Variants in ERC2 observed in about 807,000 individuals in gnomAD.
The protein encoded by ERC2 is ERC protein 2.
In ERC2, 42 loss-of-function variants were observed where a neutral mutation model predicts 114.8. The ratio of observed to expected loss-of-function variants is 0.37; its 90% CI spans 0.29 to 0.47. The LOEUF is 0.47. Ranked by LOEUF, ERC2 falls within the 20% of genes least tolerant of loss-of-function variation. The pLI is 0.99. For synonymous variants in ERC2, 454 were observed against 425.5 expected (o/e 1.07, Z -0.82); for missense variants, 939 against 1,150.7 (o/e 0.82, Z 2.66).
intron 1 of ERC2, among the ~76,000 whole-genome samples, chr3:56,461,488 C>T (rs988235094): frequency 3.3e-5 from 5 of 152,250 alleles, no homozygotes; most frequent in African/African-American, 1.2e-4. Flanking sequence ...GGTGCTCTCA[C>T]ACTGGAAATC....
chr3:55,594,133 G>A (rs1280742822), intron 17 of ERC2, among the ~76,000 whole-genome samples: 2 of 152,016 alleles, frequency 1.3e-5, no homozygotes, highest in Non-Finnish European at 2.9e-5. Context: ...TTTTCCTCCT[G>A]TATTGTCTTC....
chr3:55,841,402 C>T (rs1277149840), intron 14 of ERC2, among the ~76,000 whole-genome samples: 2 of 152,142 alleles, frequency 1.3e-5, no homozygotes, highest in Admixed American at 6.6e-5. Context: ...GTATGACATG[C>T]CTTTGCTTCT....
chr3:55,730,212 A>C (rs937313), intron 15 of ERC2, among the ~76,000 whole-genome samples: 83,469 of 151,902 alleles, frequency 0.55, 23,557 homozygotes, highest in South Asian at 0.71. Flanking sequence ...GCTGCACCAG[A>C]TATGAGTGGT....
chr3:55,523,019 G>A (rs908312578), intron 17 of ERC2, among the ~76,000 whole-genome samples: 2 of 152,252 alleles, frequency 1.3e-5, no homozygotes, highest in Non-Finnish European at 2.9e-5. Flanking sequence ...CTGGCAGGCA[G>A]GGTTCAGGCT....
intron 2 of ERC2, among the ~76,000 whole-genome samples, chr3:56,421,610 G>C (rs2061392124): frequency 6.6e-6 from 1 of 152,190 alleles, no homozygotes; most frequent in African/African-American, 2.4e-5. Context: ...TTTTTCATAA[G>C]AGATATATAA....
At chr3:55,893,043 C>T (rs1302144315) in intron 13 of ERC2, among the ~76,000 whole-genome samples, 3 of 152,072 alleles carry the variant, frequency 2.0e-5, no homozygotes, top group Admixed American at 6.5e-5. Context: ...GTCTGTATGT[C>T]CCCTTTCACC....
intron 17 of ERC2, among the ~76,000 whole-genome samples, chr3:55,598,373 T>C (rs1245337056): frequency 2.0e-5 from 3 of 152,226 alleles, no homozygotes; most frequent in Non-Finnish European, 2.9e-5. Context: ...CTTGGACAAG[T>C]TGCTTAATGG....
chr3:56,224,622 C>T (rs971040882), intron 3 of ERC2, among the ~76,000 whole-genome samples: 1 of 152,164 alleles, frequency 6.6e-6, no homozygotes, highest in Non-Finnish European at 1.5e-5. Context: ...GCAAGACAGA[C>T]ACACCATGCA....
chr3:55,552,508 A>G (rs2055281496), intron 17 of ERC2, among the ~76,000 whole-genome samples: 1 of 152,138 alleles, frequency 6.6e-6, no homozygotes, highest in African/African-American at 2.4e-5. Context: ...CATGTTTACA[A>G]GCTGCGTAAA....
At chr3:56,381,829 T>G (rs1041492846) in intron 2 of ERC2, among the ~76,000 whole-genome samples, 2 of 152,128 alleles carry the variant, frequency 1.3e-5, no homozygotes, top group African/African-American at 4.8e-5. Context: ...GATCTCCCTA[T>G]AGCTCTGTAT....
At chr3:55,609,193 G>A (rs762027902) in intron 17 of ERC2, among the ~76,000 whole-genome samples, 13 of 152,100 alleles carry the variant, frequency 8.5e-5, no homozygotes, top group Non-Finnish European at 1.6e-4. Context: ...GTGGTGTGTG[G>A]GTGCCTCTCT....
At chr3:56,138,424 T>G (rs1362708909) in intron 6 of ERC2, among the ~76,000 whole-genome samples, 1 of 152,216 alleles carries the variant, frequency 6.6e-6, no homozygotes, top group African/African-American at 2.4e-5. Flanking sequence ...TGTTTCGAAT[T>G]GAAGCATTCA....
intron 13 of ERC2, among the ~76,000 whole-genome samples, chr3:55,941,474 T>C (rs915663147): frequency 7.2e-5 from 11 of 152,204 alleles, no homozygotes; most frequent in African/African-American, 2.4e-4. Flanking sequence ...TGATAGGGAC[T>C]GCTACGGCCT....
intron 6 of ERC2, among the ~76,000 whole-genome samples, chr3:56,128,314 T>C (rs1317658259): frequency 6.6e-6 from 1 of 152,174 alleles, no homozygotes; most frequent in Non-Finnish European, 1.5e-5. Context: ...TCAATAATCA[T>C]ATTATGGGTA....
rs371617845 is a variant in ERC2, at chr3:56,221,228, G to A, written c.1075-47708C>T. Among the ~76,000 whole-genome samples the A allele has an allele frequency of 5.9e-5, 9 of 151,522 alleles. No individual in the cohort carries two copies. The East Asian group carries it at 9.7e-4, about 16-fold the overall frequency. ...GATTCTCTTTTTCTCTCTGCTTTTT[G>A]TCAGGCTAACATTAGGTACTGACTA... On this transcript the variant is annotated intron_variant, in intron 3 of 17. Transcript: ENST00000288221.
chr3:55,834,720 C>T (rs1424556891), intron 14 of ERC2, among the ~76,000 whole-genome samples: 1 of 143,400 alleles, frequency 7.0e-6, no homozygotes, highest in Non-Finnish European at 1.5e-5. Context: ...CAAGAGCAAA[C>T]ACATTCAAAA....
rs114986227 is a variant in ERC2 at position 56,032,119 on chromosome 3, T to C, written c.1642-13088A>G. On this transcript the variant is annotated intron_variant, in intron 7 of 17. Coordinates refer to ENST00000288221, the MANE Select transcript of ERC2 (RefSeq NM_015576.3). ...GATCTCTCTACACACCAGCTCCTATTTGCTTTCCACAAAAAGTGGAAGCAG... is the reference window on the plus strand; with the variant it reads ...GATCTCTCTACACACCAGCTCCTATCTGCTTTCCACAAAAAGTGGAAGCAG... Among the ~76,000 whole-genome samples, 657 of 152,324 alleles carry C rather than the reference T, an allele frequency of 4.3e-3. 6 individuals are homozygous for C. Among genetic ancestry groups the C allele is most frequent in the African/African-American group, 0.015 (628 of 41,570 alleles).
At chr3:56,202,922 T>C (rs1296046689) in intron 3 of ERC2, among the ~76,000 whole-genome samples, 2 of 152,212 alleles carry the variant, frequency 1.3e-5, no homozygotes, top group Non-Finnish European at 2.9e-5. Context: ...GTGATGAATA[T>C]GGTAAGCTCA....
At chr3:56,334,435 C>T (rs972308747) in intron 2 of ERC2, among the ~76,000 whole-genome samples, 1 of 152,194 alleles carries the variant, frequency 6.6e-6, no homozygotes, top group African/African-American at 2.4e-5. Context: ...CATTTCTGTC[C>T]TTCCCAGCTA....
Sources: gnomAD v4.1 joint callset for allele counts (sites outside exome capture counted in the v4.1 genomes callset) on GRCh38, gnomAD v4.1.1 for gene constraint, MANE v1.5 for transcripts, NCBI Gene and HGNC (gene_info 2026-07-23, HGNC 2026-07-21) for gene names.